The following NKAIN2 variants were observed in gnomAD, a reference collection of about 807,000 sequenced individuals.
The protein encoded by NKAIN2 is sodium/potassium transporting ATPase interacting 2, also known as sodium/potassium-transporting ATPase subunit beta-1-interacting protein 2.
A neutral mutation model predicts 32.6 loss-of-function variants in NKAIN2; 14 were observed. The ratio of observed to expected loss-of-function variants is 0.43; its 90% confidence interval spans 0.28 to 0.67. The LOEUF (loss-of-function observed/expected upper bound fraction) is 0.67. NKAIN2 is among the 30% of genes least tolerant of loss of function. The probability of loss-of-function intolerance (pLI) is 0.17; values close to 1 mark genes in which losing one functional copy is unlikely to be tolerated. For missense variants in NKAIN2, 198 were observed against 258.3 expected (o/e 0.77, Z 1.60); for synonymous variants, 80 against 87.2 (o/e 0.92, Z 0.46).
chr6:124,313,407 G>A (rs1023011827), intron 2 of NKAIN2, among the ~76,000 whole-genome samples: 4 of 152,028 alleles, frequency 2.6e-5, no homozygotes, highest in African/African-American at 4.8e-5. Flanking sequence ...AGATTCTCAT[G>A]CATTTTCAGA....
intron 3 of NKAIN2, among the ~76,000 whole-genome samples, chr6:124,526,787 G>T (rs1313792311): frequency 6.6e-6 from 1 of 152,108 alleles, no homozygotes; most frequent in Non-Finnish European, 1.5e-5. Flanking sequence ...AAATGTCGAA[G>T]CTAGTGTTAT....
At chr6:124,003,540 T>C (rs1377945768) in intron 1 of NKAIN2, among the ~76,000 whole-genome samples, 11 of 152,218 alleles carry the variant, frequency 7.2e-5, no homozygotes, top group Admixed American at 7.2e-4. Flanking sequence ...CTAATATGTG[T>C]CTGGTACTGT....
chr6:123,963,221 A>G (rs1777929616), intron 1 of NKAIN2, among the ~76,000 whole-genome samples: 1 of 152,176 alleles, frequency 6.6e-6, no homozygotes, highest in Non-Finnish European at 1.5e-5. Context: ...ATGATTCAGC[A>G]TTGTTTTCTA....
At chr6:124,098,974 A>G (rs1784761277) in intron 1 of NKAIN2, among the ~76,000 whole-genome samples, 1 of 152,144 alleles carries the variant, frequency 6.6e-6, no homozygotes. Flanking sequence ...AAAAGATAAA[A>G]TAAGAGATAA....
intron 1 of NKAIN2, among the ~76,000 whole-genome samples, chr6:124,273,470 A>G (rs1794894932): frequency 6.6e-6 from 1 of 152,202 alleles, no homozygotes; most frequent in Non-Finnish European, 1.5e-5. Context: ...TTAAACCTCC[A>G]TTCTCTATAA....
intron 1 of NKAIN2, among the ~76,000 whole-genome samples, chr6:124,152,360 A>G (rs1787769361): frequency 6.6e-6 from 1 of 151,934 alleles, no homozygotes; most frequent in Admixed American, 6.6e-5. Context: ...ACAGTTTCAC[A>G]ATAAGTCTTG....
Position 124,634,721 on chromosome 6 carries a change from C to G in NKAIN2, c.274-23465C>G, listed in dbSNP as rs566491488. 5.3e-5 allele frequency among the ~76,000 whole-genome samples: 8 copies of G among 152,082 alleles called. No homozygotes were observed. The South Asian group carries it at 1.5e-3, about 28-fold the overall frequency. On this transcript the variant is annotated intron_variant, in intron 3 of 6. Coordinates refer to ENST00000368417, the MANE Select transcript of NKAIN2 (RefSeq NM_001040214.3). Reference sequence around the variant, plus strand: ...CAAGTTTTAGAAGAGATATAGACATCCAGATCCAAGAAGCTGAATGATTCC... The same window carrying G: ...CAAGTTTTAGAAGAGATATAGACATGCAGATCCAAGAAGCTGAATGATTCC...
chr6:124,674,138 C>T (rs546766956), intron 4 of NKAIN2, among the ~76,000 whole-genome samples: 1 of 151,992 alleles, frequency 6.6e-6, no homozygotes, highest in Admixed American at 6.6e-5. Context: ...TCTTGACAAC[C>T]TTGTCAAAAA....
At chr6:124,350,595 A>G (rs111414668) in intron 2 of NKAIN2, among the ~76,000 whole-genome samples, 60 of 152,328 alleles carry the variant, frequency 3.9e-4, no homozygotes, top group African/African-American at 1.4e-3. Flanking sequence ...TTCTATGTTC[A>G]TTAAAGGGGT....
chr6:124,760,759 G>C (rs894211151), intron 4 of NKAIN2, among the ~76,000 whole-genome samples: 1 of 152,122 alleles, frequency 6.6e-6, no homozygotes, highest in African/African-American at 2.4e-5. Flanking sequence ...GAGGCTGTCT[G>C]TCCACATCTG....
intron 2 of NKAIN2, among the ~76,000 whole-genome samples, chr6:124,286,679 CG>C (rs1795564993): frequency 1.5e-5 from 2 of 131,882 alleles, no homozygotes; most frequent in African/African-American, 3.6e-5. Context: ...TGTGTGCGCG[CG>C]CGTGTGTGTG....
intron 1 of NKAIN2, among the ~76,000 whole-genome samples, chr6:124,155,507 A>T (rs1787939654): frequency 6.6e-6 from 1 of 151,828 alleles, no homozygotes; most frequent in African/African-American, 2.4e-5. Flanking sequence ...ATGAAGGAAG[A>T]GCTTGGAATT....
At chr6:124,511,426 C>G (rs532806073) in intron 3 of NKAIN2, among the ~76,000 whole-genome samples, 2 of 152,222 alleles carry the variant, frequency 1.3e-5, no homozygotes, top group Admixed American at 1.3e-4. Context: ...GTTCCTTCTT[C>G]CATGGACTGC....
At chr6:124,408,404 T>C (rs938993475) in intron 3 of NKAIN2, among the ~76,000 whole-genome samples, 1 of 152,244 alleles carries the variant, frequency 6.6e-6, no homozygotes, top group Non-Finnish European at 1.5e-5. Flanking sequence ...CAGTTTCAGC[T>C]TTCTACACAT....
At chr6:123,816,867 G>T (rs1773715275) in intron 1 of NKAIN2, among the ~76,000 whole-genome samples, 1 of 152,176 alleles carries the variant, frequency 6.6e-6, no homozygotes, top group Non-Finnish European at 1.5e-5. Flanking sequence ...CACCTAATTG[G>T]TAGAGTGTCT....
At chr6:124,180,252 A>C (rs1370959432) in intron 1 of NKAIN2, among the ~76,000 whole-genome samples, 1 of 152,186 alleles carries the variant, frequency 6.6e-6, no homozygotes, top group Non-Finnish European at 1.5e-5. Context: ...AAGAGGTTTA[A>C]TTGACTTACA....
intron 1 of NKAIN2, among the ~76,000 whole-genome samples, chr6:124,121,415 A>C (rs1785874502): frequency 6.6e-6 from 1 of 152,088 alleles, no homozygotes; most frequent in Non-Finnish European, 1.5e-5. Context: ...TATATAGTAC[A>C]TAGGTATATC....
intron 3 of NKAIN2, among the ~76,000 whole-genome samples, chr6:124,396,391 A>C (rs1245186668): frequency 2.0e-5 from 3 of 151,276 alleles, no homozygotes; most frequent in Non-Finnish European, 4.4e-5. Flanking sequence ...TACCAAAAAA[A>C]CACAAAAGGA....
intron 1 of NKAIN2, among the ~76,000 whole-genome samples, chr6:123,884,921 T>TA (rs528949478): frequency 5.9e-5 from 9 of 152,290 alleles, no homozygotes; most frequent in Non-Finnish European, 1.3e-4. Flanking sequence ...GTAGTAAATA[T>TA]AGCTAATTCT....
Sources: allele counts gnomAD v4.1 joint callset (sites outside exome capture counted in the v4.1 genomes callset), GRCh38; gene constraint gnomAD v4.1.1; transcripts MANE v1.5; gene names NCBI Gene and HGNC (gene_info 2026-07-23, HGNC 2026-07-21).